SPRY3: variants seen among roughly 807,000 people sequenced by gnomAD.
The protein encoded by SPRY3 is protein sprouty homolog 3.
Under a neutral mutation model 20.2 loss-of-function variants are expected in SPRY3, and 15 were observed. That is an observed-to-expected ratio of 0.74 (90% CI 0.50 to 1.14). The LOEUF (loss-of-function observed/expected upper bound fraction) is 1.14, where lower values mean the gene tolerates loss of function less well. Ranked by LOEUF, SPRY3 falls within the 50% of genes most tolerant of loss-of-function variation. The probability of loss-of-function intolerance (pLI) is 0.00; values close to 1 mark genes in which losing one functional copy is unlikely to be tolerated. For missense variants in SPRY3, 364 were observed against 363.9 expected (o/e 1.00, Z 0.00); for synonymous variants, 143 against 136.5 (o/e 1.05, Z -0.33).
At chrX:155,704,645 C>G (rs935105465) in intron 2 of SPRY3, among the ~76,000 whole-genome samples, 2 of 151,402 alleles carry the variant, frequency 1.3e-5, no homozygotes, top group Non-Finnish European at 3.0e-5. Flanking sequence ...AAATTAATGA[C>G]AAACACCAAA....
chrX:155,717,889 A>G (rs2091033382), intron 2 of SPRY3, among the ~76,000 whole-genome samples: 1 of 152,148 alleles, frequency 6.6e-6, no homozygotes, highest in Non-Finnish European at 1.5e-5. Flanking sequence ...TCTTTATAGT[A>G]GAATGATTTT....
At chrX:155,700,162 G>C (rs2068131952) in intron 2 of SPRY3, among the ~76,000 whole-genome samples, 1 of 108,708 alleles carries the variant, frequency 9.2e-6, no homozygotes, top group Admixed American at 9.9e-5. Context: ...CTCCAAAGAA[G>C]ATAAACAAAT....
intron 2 of SPRY3, among the ~76,000 whole-genome samples, chrX:155,669,119 C>T (rs782662374): frequency 1.8e-5 from 2 of 110,774 alleles, no homozygotes; most frequent in African/African-American, 6.5e-5. Context: ...GTTTCTTCAG[C>T]CAAACTGATA....
rs975158072 is a variant in SPRY3 at position 155,699,019 on chromosome X, C to T, written c.-282+41994C>T. Among the ~76,000 whole-genome samples, 18 of 112,161 alleles carry T rather than the reference C, an allele frequency of 1.6e-4. No homozygotes were observed. The South Asian group carries it at 1.9e-3, about 12-fold the overall frequency. On this transcript the variant is annotated intron_variant, in intron 2 of 3. Coordinates refer to ENST00000675360, the Ensembl canonical transcript of SPRY3. Reference sequence around the variant, plus strand: ...AAGAAGGCAAAGATATTCACTAACACCACTCATAATCAACATTGTATTGGA... The same window carrying T: ...AAGAAGGCAAAGATATTCACTAACATCACTCATAATCAACATTGTATTGGA...
At chrX:155,773,814 T>C (rs1273843612) in exon 4 of SPRY3, 9 of 1,562,538 alleles carry the variant, frequency 5.8e-6, no homozygotes, top group Non-Finnish European at 6.9e-6. Flanking sequence ...GGCTCCTCTT[T>C]ATCACCATAA....
chrX:155,776,924 T>C (rs1199229518), downstream of SPRY3: 1 of 167,088 alleles, frequency 6.0e-6, no homozygotes, highest in African/African-American at 2.4e-5. Context: ...TTTTTGTATA[T>C]ATAAATATGT....
intron 2 of SPRY3, among the ~76,000 whole-genome samples, chrX:155,763,189 A>G (rs192988643): frequency 3.9e-5 from 6 of 152,286 alleles, no homozygotes; most frequent in East Asian, 1.9e-4. Flanking sequence ...AAAGATGGCA[A>G]TTGGGTAGCC....
intron 2 of SPRY3, among the ~76,000 whole-genome samples, chrX:155,760,916 T>C: frequency 6.6e-6 from 1 of 152,260 alleles, no homozygotes; most frequent in Middle Eastern, 3.4e-3. Flanking sequence ...GTACATGCCA[T>C]GATTTGGTCC....
chrX:155,729,467 G>A (rs2091119199), intron 2 of SPRY3, among the ~76,000 whole-genome samples: 1 of 151,238 alleles, frequency 6.6e-6, no homozygotes, highest in Non-Finnish European at 1.5e-5. Context: ...ATGAACAGTG[G>A]GTCAATGAAG....
At chrX:155,753,562 CAT>C (rs1055432380) in intron 2 of SPRY3, among the ~76,000 whole-genome samples, 17 of 151,988 alleles carry the variant, frequency 1.1e-4, no homozygotes, top group Admixed American at 7.2e-4. Context: ...TGTATAGACA[CAT>C]GTTTTCAACT....
At chrX:155,617,173 C>T (rs1235280575) in intron 1 of SPRY3, among the ~76,000 whole-genome samples, 4 of 106,454 alleles carry the variant, frequency 3.8e-5, no homozygotes, top group Non-Finnish European at 5.8e-5. Flanking sequence ...CTAGTTTCCA[C>T]ATGGAATTAT....
chrX:155,747,149 C>T (rs1204702090), intron 2 of SPRY3, among the ~76,000 whole-genome samples: 1 of 151,880 alleles, frequency 6.6e-6, no homozygotes, highest in African/African-American at 2.4e-5. Flanking sequence ...TCCTTTGATG[C>T]CTAAATCTAC....
chrX:155,767,114 G>T (rs1433840316), intron 2 of SPRY3, among the ~76,000 whole-genome samples: 1 of 151,990 alleles, frequency 6.6e-6, no homozygotes, highest in East Asian at 1.9e-4. Context: ...CCCAGGGACC[G>T]GATACAGAGA....
intron 2 of SPRY3, among the ~76,000 whole-genome samples, chrX:155,671,323 T>A (rs2068039856): frequency 9.0e-6 from 1 of 111,115 alleles, no homozygotes; most frequent in Non-Finnish European, 1.9e-5. Flanking sequence ...GTCATTCTGA[T>A]CTCAGAGGCA....
intron 2 of SPRY3, among the ~76,000 whole-genome samples, chrX:155,715,554 T>A (rs1444494742): frequency 1.3e-5 from 2 of 152,024 alleles, no homozygotes; most frequent in Non-Finnish European, 2.9e-5. Flanking sequence ...TGAGAAGTAG[T>A]GCAAGAACTC....
intron 2 of SPRY3, among the ~76,000 whole-genome samples, chrX:155,698,138 A>G (rs1022904283): frequency 7.2e-5 from 8 of 111,342 alleles, no homozygotes; most frequent in African/African-American, 1.6e-4. Context: ...TCTGCATTCA[A>G]TGCAAGAAAT....
At chrX:155,737,256 A>G (rs1045400257) in intron 2 of SPRY3, among the ~76,000 whole-genome samples, 2 of 152,020 alleles carry the variant, frequency 1.3e-5, no homozygotes, top group African/African-American at 4.8e-5. Context: ...TGGTTATCCA[A>G]TCCACCATTG....
chrX:155,673,112 C>T (rs1263914497), intron 2 of SPRY3, among the ~76,000 whole-genome samples: 2 of 92,139 alleles, frequency 2.2e-5, no homozygotes, highest in African/African-American at 7.8e-5. Flanking sequence ...ATACCTAATG[C>T]TAAATGACAA....
At chrX:155,648,691 G>A (rs192858793) in intron 1 of SPRY3, among the ~76,000 whole-genome samples, 2 of 111,468 alleles carry the variant, frequency 1.8e-5, no homozygotes, top group African/African-American at 6.5e-5. Context: ...ATGCTATTTT[G>A]GTTACTGTAG....
Sources: gnomAD v4.1 joint callset for allele counts (sites outside exome capture counted in the v4.1 genomes callset) on GRCh38, gnomAD v4.1.1 for gene constraint, MANE v1.5 for transcripts, NCBI Gene and HGNC (gene_info 2026-07-23, HGNC 2026-07-21) for gene names.